Variants in ZDHHC18 observed in about 807,000 individuals in gnomAD.
The protein encoded by ZDHHC18 is palmitoyltransferase ZDHHC18.
In ZDHHC18, 23 loss-of-function variants were observed where a neutral mutation model predicts 37.5. That is an observed-to-expected ratio of 0.61 (90% CI 0.44 to 0.87). The LOEUF (loss-of-function observed/expected upper bound fraction) is 0.87. ZDHHC18 is among the 40% of genes least tolerant of loss of function. ZDHHC18 has a pLI of 0.00. For synonymous variants in ZDHHC18, 185 were observed against 218.7 expected, an observed-to-expected ratio of 0.85 and a Z score of 1.36; for missense variants, 406 against 525.6, an observed-to-expected ratio of 0.77 and a Z score of 2.22.
At position 26,851,213 on chromosome 1, in the gene ZDHHC18, C is replaced by G; in HGVS notation, c.918C>G (p.Asn306Lys). The change falls in exon 6 of 8, where the codon AAC (asparagine) becomes AAG (lysine). Residue 306 changes from asparagine to lysine, a missense_variant. Asn to Lys is a moderately conservative substitution (Grantham distance 94, BLOSUM62 0). Coordinates refer to ENST00000374142, the MANE Select transcript of ZDHHC18 (RefSeq NM_032283.3). ...TTCACACGTACCTCGTCGCCTCCAA[C>G]CTGACTACTAATGAAGACGTGAGTA... The part of the protein sequence containing the change: ...SGFHTYLVAS[N>K]LTTNEDIKGS... 1 of 1,614,204 alleles carries G rather than the reference C, an allele frequency of 6.2e-7. No individual in the cohort carries two copies. The highest frequency in any genetic ancestry group is 8.5e-7 in the Non-Finnish European group (1 of 1,180,008).
intron 2 of ZDHHC18, among the ~76,000 whole-genome samples, chr1:26,837,184 C>T (rs1379362504): frequency 4.8e-5 from 7 of 147,274 alleles, no homozygotes; most frequent in Non-Finnish European, 7.5e-5. Flanking sequence ...ACCTGGGAGG[C>T]GGAGCTTGCA....
At chr1:26,840,816 A>G (rs192496479) in intron 2 of ZDHHC18, among the ~76,000 whole-genome samples, 2 of 152,000 alleles carry the variant, frequency 1.3e-5, no homozygotes, top group Non-Finnish European at 2.9e-5. Context: ...GCAGTGGCAC[A>G]GTCATACCTC....
intron 2 of ZDHHC18, among the ~76,000 whole-genome samples, 175 bp downstream of exon 2, chr1:26,832,782 A>T (rs183761927): frequency 6.6e-6 from 1 of 152,356 alleles, no homozygotes; most frequent in African/African-American, 2.4e-5. Flanking sequence ...ACAAGTGAGC[A>T]AATAAGTAAG....
chr1:26,856,248 G>T lies in ZDHHC18; in HGVS notation c.*2405G>T. 1 of 450,120 alleles carries T rather than the reference G, an allele frequency of 2.2e-6. No homozygotes were observed. The allele number at this position is 450,120 out of a possible 1,614,324, so 27.9% of individuals were successfully genotyped here. On this transcript the variant is annotated 3_prime_UTR_variant, in exon 8 of 8. Coordinates refer to ENST00000374142, the MANE Select transcript of ZDHHC18 (RefSeq NM_032283.3). The surrounding 1 kb of genome is among the most constrained non-coding windows in gnomAD (Gnocchi z 5.2). ...CTGAGGGGAGCTAACAGGCCTCTTT[G>T]CAGAGGGTTAGCTGGTAAGACCGTT...
Position 26,832,588 on chromosome 1 carries a change from C to T in ZDHHC18, c.477C>T (p.Ala159=), listed in dbSNP as rs145698278. 1,053 of 1,614,160 alleles carry T rather than the reference C, an allele frequency of 6.5e-4. 1 individual carries two copies. The highest frequency in any genetic ancestry group is 8.0e-4 in the Non-Finnish European group (939 of 1,179,982). ...CCCGGGCCACTGTCTGTGAAGCAGC[C>T]GCCCTGGAGAAACAGATCGGTGAGG... ...ILPRATVCEA[A]ALEKQIDNTG... Residue 159 remains alanine (A), a synonymous_variant, in exon 2 of 8, where the codon GCC becomes GCT. Transcript: ENST00000374142.
At position 26,827,106 on chromosome 1, in the gene ZDHHC18, T is replaced by C. The variant is rs2081561262; in HGVS notation, c.302T>C (p.Ile101Thr). The change falls in exon 1 of 8, where the codon ATC (isoleucine) becomes ACC (threonine). Residue 101 changes from isoleucine to threonine, a missense_variant. By Grantham distance (89) the Ile-to-Thr change is moderately conservative. Coordinates refer to ENST00000374142, the MANE Select transcript of ZDHHC18 (RefSeq NM_032283.3). ...GGVFALTLLL[I>T]LTTTGLFFVF... Reference sequence around the variant, plus strand: ...GTCTTCGCGCTCACGCTGCTGCTCATCCTCACCACCACCGGCCTCTTCTTC... The same window carrying C: ...GTCTTCGCGCTCACGCTGCTGCTCACCCTCACCACCACCGGCCTCTTCTTC... 1 of 1,419,238 alleles carries C rather than the reference T, an allele frequency of 7.0e-7. No homozygotes were observed. The highest frequency in any genetic ancestry group is 9.2e-7 in the Non-Finnish European group (1 of 1,089,736). 87.9% of individuals were successfully genotyped at this position (1,419,238 alleles called of 1,614,324 possible). A position where few individuals can be genotyped will look rare whatever the true frequency, so the allele number is the denominator to read the frequency against.
intron 2 of ZDHHC18, among the ~76,000 whole-genome samples, chr1:26,840,382 A>G (rs1420856009): frequency 6.6e-6 from 1 of 152,246 alleles, no homozygotes; most frequent in Non-Finnish European, 1.5e-5. Flanking sequence ...TGCTAAAGCC[A>G]CTTGGTGAAT....
chr1:26,848,583 C>T, intron 2 of ZDHHC18, 25 bp from the exon 3 acceptor site: 1 of 1,600,262 alleles, frequency 6.2e-7, no homozygotes, highest in South Asian at 1.1e-5. Context: ...GGGCATTCCC[C>T]ATCTTTCTCT....
chr1:26,849,770 T>C (rs1224166375), intron 3 of ZDHHC18, among the ~76,000 whole-genome samples: 2 of 152,100 alleles, frequency 1.3e-5, no homozygotes, highest in Admixed American at 6.5e-5. Flanking sequence ...AGGAGACGGG[T>C]TGTTGACTGT....
rs1557647718 is a variant in ZDHHC18, at chr1:26,856,127, A to G, written c.*2284A>G. On this transcript the variant is annotated 3_prime_UTR_variant, in exon 8 of 8. Coordinates refer to ENST00000374142, the MANE Select transcript of ZDHHC18 (RefSeq NM_032283.3). The surrounding 1 kb of genome is among the most constrained non-coding windows in gnomAD (Gnocchi z 5.2). ...CCTGGCTACCACCTCCAACCTGGGC[A>G]CCAGGGCCCAGCCAGACAACTCATA... 1 of 429,628 alleles carries G rather than the reference A, an allele frequency of 2.3e-6. No homozygotes were observed. 26.6% of individuals were successfully genotyped at this position (429,628 alleles called of 1,614,324 possible). A position where few individuals can be genotyped will look rare whatever the true frequency, so the allele number is the denominator to read the frequency against.
rs958660691 is a variant in ZDHHC18, at chr1:26,855,033, CCTT to C, written c.*1196_*1198del. On this transcript the variant is annotated 3_prime_UTR_variant, in exon 8 of 8. Coordinates refer to ENST00000374142, the MANE Select transcript of ZDHHC18 (RefSeq NM_032283.3). ...GGGCTCAGCCCAGCCTCCTATCTTT[CCTT>C]CTTCTATGGACTTCAGACAGCCAGT... 1.3e-5 allele frequency: 2 copies of C among 152,304 alleles called. No individual in the cohort carries two copies. Among genetic ancestry groups the C allele is most frequent in the Non-Finnish European group, 2.9e-5 (2 of 68,108 alleles). The allele number at this position is 152,304 out of a possible 1,614,324, so 9.4% of individuals were successfully genotyped here.
chr1:26,834,070 G>T (rs779622723), intron 2 of ZDHHC18, among the ~76,000 whole-genome samples: 5 of 152,126 alleles, frequency 3.3e-5, no homozygotes, highest in Non-Finnish European at 2.9e-5. Flanking sequence ...GTCTGACCTG[G>T]GCTGGCCCAC....
chr1:26,829,436 C>T (rs948467681), intron 1 of ZDHHC18, among the ~76,000 whole-genome samples: 28 of 152,140 alleles, frequency 1.8e-4, no homozygotes, highest in African/African-American at 6.0e-4. Flanking sequence ...ACACTCCTAC[C>T]TCTGGGCCAG....
intron 2 of ZDHHC18, among the ~76,000 whole-genome samples, chr1:26,844,643 G>A (rs1010891187): frequency 2.6e-5 from 4 of 152,100 alleles, no homozygotes; most frequent in African/African-American, 7.2e-5. Flanking sequence ...TGTCCAAAGC[G>A]GTCATATGAG....
chr1:26,843,248 T>A (rs2081647515), intron 2 of ZDHHC18, among the ~76,000 whole-genome samples: 1 of 150,448 alleles, frequency 6.6e-6, no homozygotes, highest in African/African-American at 2.4e-5. Context: ...GTTCAAGCAA[T>A]TCTCCTTTCT....
rs111991053 is a variant in ZDHHC18, at chr1:26,833,959, C to G, written c.496+1352C>G. Among the ~76,000 whole-genome samples, 4 of 152,246 alleles carry G rather than the reference C, an allele frequency of 2.6e-5. 1 individual carries two copies. The highest frequency in any genetic ancestry group is 9.6e-5 in the African/African-American group (4 of 41,542). ...CTTTGTCTCATTCCTCTGCCCAGCC[C>G]CATCCTCAGCCACGCCTGCGAGGGC... On this transcript the variant is annotated intron_variant, in intron 2 of 7. Transcript: ENST00000374142.
At chr1:26,830,773 G>C (rs1204625231) in intron 1 of ZDHHC18, among the ~76,000 whole-genome samples, 2 of 15,050 alleles carry the variant, frequency 1.3e-4, no homozygotes, top group Non-Finnish European at 2.1e-4. Flanking sequence ...ATGTTTGTTT[G>C]TTGTTGTTGT....
At chr1:26,837,019 C>T (rs2124252940) in intron 2 of ZDHHC18, among the ~76,000 whole-genome samples, 1 of 147,710 alleles carries the variant, frequency 6.8e-6, no homozygotes, top group East Asian at 2.0e-4. Context: ...GAGGCCGAAG[C>T]AGGTGGATCA....
chr1:26,837,056 G>A (rs2081615239), intron 2 of ZDHHC18, among the ~76,000 whole-genome samples: 1 of 147,896 alleles, frequency 6.8e-6, no homozygotes, highest in Non-Finnish European at 1.5e-5. Flanking sequence ...AGACCATCCT[G>A]GCTAACAAGG....
Sources: allele counts gnomAD v4.1 joint callset (sites outside exome capture counted in the v4.1 genomes callset), GRCh38; gene constraint gnomAD v4.1.1; non-coding constraint Gnocchi (gnomAD v3.1); transcripts MANE v1.5; gene names NCBI Gene and HGNC (gene_info 2026-07-23, HGNC 2026-07-21).